ASB4: variants seen among roughly 807,000 people sequenced by gnomAD.
The protein encoded by ASB4 is ankyrin repeat and SOCS box containing 4, also known as ankyrin repeat and SOCS box protein 4.
ASB4 carries 35 observed loss-of-function variants against 38.6 expected under a neutral mutation model. That is an observed-to-expected ratio of 0.91 (90% confidence interval 0.69 to 1.20). ASB4 has a LOEUF of 1.20. ASB4 is among the 50% of genes most tolerant of loss of function. The pLI, the probability that ASB4 is intolerant of heterozygous loss-of-function variation, is 0.00. For synonymous variants in ASB4, 195 were observed against 201.3 expected, an observed-to-expected ratio of 0.97 and a Z score of 0.26; for missense variants, 557 against 527.2, an observed-to-expected ratio of 1.06 and a Z score of -0.55.
At chr7:95,496,645 G>A (rs1229606603) in intron 2 of ASB4, among the ~76,000 whole-genome samples, 3 of 152,024 alleles carry the variant, frequency 2.0e-5, no homozygotes, top group Non-Finnish European at 2.9e-5. Flanking sequence ...CCAGGAGTTC[G>A]AGACCAGTCT....
chr7:95,474,383 G>A (rs562125172), upstream of ASB4, among the ~76,000 whole-genome samples: 11 of 152,178 alleles, frequency 7.2e-5, no homozygotes, highest in African/African-American at 2.6e-4. Flanking sequence ...TTTACCAAAA[G>A]GGATCTTGCT....
chr7:95,488,399 A>T (rs975172797), intron 1 of ASB4, among the ~76,000 whole-genome samples: 2 of 152,228 alleles, frequency 1.3e-5, no homozygotes, highest in South Asian at 4.1e-4. Context: ...CAACCTTATC[A>T]TCGATCCTTT....
intron 4 of ASB4, 107 bp from the exon 5 acceptor site, chr7:95,537,464 C>T: frequency 1.0e-6 from 1 of 970,732 alleles, no homozygotes; most frequent in Non-Finnish European, 1.5e-6. Flanking sequence ...AATAGAGACC[C>T]TAGGAAGCTG....
At position 95,485,991 on chromosome 7, in the gene ASB4, CT is replaced by C. The variant is rs750285430; in HGVS notation, c.21del (p.Val8SerfsTer9). The C allele has an allele frequency of 1.7e-5, 27 of 1,613,864 alleles. No homozygotes were observed. Among genetic ancestry groups the C allele is most frequent in the East Asian group, 4.5e-5 (2 of 44,880 alleles). On this transcript the variant is annotated frameshift_variant, in exon 1 of 5. Transcript: ENST00000325885. LOFTEE classifies it high-confidence loss of function. MDGTTAPVTKSGAAKLV... is the reference protein window; with the variant it reads MDGTTAXVTKSGAAKLV... ...GGAAGGATGGACGGCACCACTGCCC[CT>C]GTCACTAAATCTGGAGCTGCCAAGT...
chr7:95,527,619 G>T (rs541473204), intron 2 of ASB4, among the ~76,000 whole-genome samples, 194 bp from the exon 3 acceptor site: 18 of 152,266 alleles, frequency 1.2e-4, no homozygotes, highest in African/African-American at 3.6e-4. Flanking sequence ...CCAGGAGATG[G>T]CACTGTTGCT....
intron 2 of ASB4, among the ~76,000 whole-genome samples, chr7:95,503,549 C>T (rs1327126562): frequency 1.3e-5 from 2 of 152,214 alleles, no homozygotes; most frequent in East Asian, 1.9e-4. Context: ...AAATGCTGCT[C>T]TTCATCAGTT....
At chr7:95,515,209 CTTTCTTTCTTTCTT>C (rs1790546681) in intron 2 of ASB4, among the ~76,000 whole-genome samples, 1 of 129,516 alleles carries the variant, frequency 7.7e-6, no homozygotes, top group South Asian at 2.4e-4. Context: ...TTCTTTCTTT[CTTTCTTTCTTTCTT>C]TCTTTCTTTT....
rs374521090 is a variant in ASB4, at chr7:95,537,597, C to G, written c.1119C>G (p.Leu373=). The G allele has an allele frequency of 1.9e-6, 3 of 1,609,710 alleles. No homozygotes were observed. Among genetic ancestry groups the G allele is most frequent in the Non-Finnish European group, 1.7e-6 (2 of 1,177,816 alleles). The change falls in exon 5 of 5, where the codon CTC becomes CTG. Residue 373 remains leucine, a synonymous_variant. Coordinates refer to ENST00000325885, the MANE Select transcript of ASB4 (RefSeq NM_016116.3). Reference sequence around the variant, plus strand: ...AATACTGGGATTTTTACCACTCTCTCTTTACTGTGTGCTGTAACTCTCCAA... The same window carrying G: ...AATACTGGGATTTTTACCACTCTCTGTTTACTGTGTGCTGTAACTCTCCAA... ...LEKYWDFYHS[L]FTVCCNSPRT...
upstream of ASB4, among the ~76,000 whole-genome samples, chr7:95,484,713 T>C (rs747502429): frequency 2.6e-5 from 4 of 152,124 alleles, no homozygotes; most frequent in Non-Finnish European, 5.9e-5. Context: ...AAACGACATA[T>C]AAAAATGCAA....
chr7:95,506,950 T>C (rs928023949), intron 2 of ASB4, among the ~76,000 whole-genome samples: 1 of 152,082 alleles, frequency 6.6e-6, no homozygotes, highest in Non-Finnish European at 1.5e-5. Context: ...TCTCTCCTAT[T>C]TTATGTTTTT....
intron 2 of ASB4, among the ~76,000 whole-genome samples, chr7:95,508,598 G>A (rs1185215099): frequency 6.6e-6 from 1 of 152,108 alleles, no homozygotes; most frequent in East Asian, 1.9e-4. Flanking sequence ...TTGCACAGGT[G>A]GCACAGGTGG....
At chr7:95,496,903 A>G (rs1316821306) in intron 2 of ASB4, among the ~76,000 whole-genome samples, 2 of 152,276 alleles carry the variant, frequency 1.3e-5, no homozygotes, top group South Asian at 2.1e-4. Context: ...GGAGACAGCC[A>G]TTAAAAAAGA....
At chr7:95,493,055 C>T (rs2116584435) in intron 1 of ASB4, among the ~76,000 whole-genome samples, 1 of 152,236 alleles carries the variant, frequency 6.6e-6, no homozygotes, top group South Asian at 2.1e-4. Context: ...GCTCCCCAGC[C>T]CAGACTGTCT....
upstream of ASB4, among the ~76,000 whole-genome samples, chr7:95,484,829 AAAAATTTCAAACTTAC>A (rs1227413865): frequency 6.6e-6 from 1 of 151,894 alleles, no homozygotes; most frequent in African/African-American, 2.4e-5. Flanking sequence ...TTTTTATTTG[AAAAATTTCAAACTTAC>A]AGAAAAGCTG....
At chr7:95,551,112 C>G in the ASB4 span, among the ~76,000 whole-genome samples, 1 of 152,142 alleles carries the variant, frequency 6.6e-6, no homozygotes. Context: ...TCCCGAATAG[C>G]TGGGACTACA....
At chr7:95,542,008 A>C (rs908888610), downstream of ASB4, 5 of 152,160 alleles carry the variant, frequency 3.3e-5, no homozygotes, top group Non-Finnish European at 7.3e-5. Context: ...TCAAGTTTAC[A>C]GTGACCTATG....
chr7:95,493,448 C>A (rs1790202970), intron 1 of ASB4, among the ~76,000 whole-genome samples: 1 of 151,444 alleles, frequency 6.6e-6, no homozygotes, highest in African/African-American at 2.4e-5. Context: ...GACAGACAAA[C>A]TTTGGGTTGA....
intron 2 of ASB4, among the ~76,000 whole-genome samples, chr7:95,510,794 A>G (rs2116615179): frequency 6.6e-6 from 1 of 152,302 alleles, no homozygotes; most frequent in East Asian, 1.9e-4. Context: ...TTGAGTTTTC[A>G]GTCTGGATGT....
At chr7:95,545,554 A>G in the ASB4 span, among the ~76,000 whole-genome samples, 1 of 151,752 alleles carries the variant, frequency 6.6e-6, no homozygotes, top group Admixed American at 6.6e-5. Flanking sequence ...TGTCTCTTTC[A>G]TATTCTCTCC....
Sources: allele counts gnomAD v4.1 joint callset (sites outside exome capture counted in the v4.1 genomes callset), GRCh38; gene constraint gnomAD v4.1.1; transcripts MANE v1.5; gene names NCBI Gene and HGNC (gene_info 2026-07-23, HGNC 2026-07-21).